KCND3: variants seen among roughly 807,000 people sequenced by gnomAD.
KCND3 encodes potassium voltage-gated channel subfamily D member 3, also known as A-type voltage-gated potassium channel KCND3.
Under a neutral mutation model 51.1 loss-of-function variants are expected in KCND3, and 9 were observed. The observed-to-expected ratio is 0.18, with a 90% confidence interval of 0.11 to 0.31. The LOEUF (loss-of-function observed/expected upper bound fraction) is 0.31. Among genes scored for constraint, KCND3 ranks in the 10% least tolerant of loss-of-function variants. KCND3 has a pLI of 1.00. For synonymous variants in KCND3, 349 were observed against 368.0 expected, an observed-to-expected ratio of 0.95 and a Z score of 0.59; for missense variants, 526 against 903.8, an observed-to-expected ratio of 0.58 and a Z score of 5.36.
Position 111,982,777 on chromosome 1 carries a change from C to T in KCND3, c.-51G>A, listed in dbSNP as rs548824212. Reference sequence around the variant, plus strand: ...GCCGCGCGGACGCTAGGCACACCAGCTTGGAGTTAGTTCAGCAAACCCTGG... The same window carrying T: ...GCCGCGCGGACGCTAGGCACACCAGTTTGGAGTTAGTTCAGCAAACCCTGG... On this transcript the variant is annotated 5_prime_UTR_variant, in exon 2 of 8. Transcript: ENST00000302127. This position sits in a 1 kb window ranked among gnomAD's most constrained non-coding sequence, Gnocchi z 8.5. 1.8e-5 allele frequency: 28 copies of T among 1,563,984 alleles called. No individual in the cohort carries two copies. The African/African-American group carries it at 3.6e-4, about 20-fold the overall frequency.
At chr1:111,956,885 G>A (rs1044039834) in intron 2 of KCND3, among the ~76,000 whole-genome samples, 1 of 152,200 alleles carries the variant, frequency 6.6e-6, no homozygotes, top group African/African-American at 2.4e-5. Context: ...GCCCAGACAA[G>A]TGAAGATCTT....
At chr1:111,890,492 T>C (rs748822512) in intron 2 of KCND3, among the ~76,000 whole-genome samples, 1 of 152,164 alleles carries the variant, frequency 6.6e-6, no homozygotes, top group African/African-American at 2.4e-5. Context: ...ATTGAGCCCA[T>C]TGAGTTTGAG....
chr1:111,860,208 A>T lies in KCND3; in HGVS notation c.1107-73102T>A, dbSNP rs369713331. On this transcript the variant is annotated intron_variant, in intron 2 of 7. Coordinates refer to ENST00000302127, the MANE Select transcript of KCND3 (RefSeq NM_001378969.1). The stretch of plus-strand genomic sequence containing the variant: ...CTCTAAAAGGTAAGTTGCACACGTT[A>T]TCTCATTTAAGCCACACAAAACCCC... Among the ~76,000 whole-genome samples, 9 of 152,348 alleles carry T rather than the reference A, an allele frequency of 5.9e-5. No homozygotes were observed. In the East Asian group the frequency reaches 1.5e-3, roughly 26 times the overall value.
intron 2 of KCND3, among the ~76,000 whole-genome samples, chr1:111,978,961 A>G (rs921457060): frequency 1.3e-5 from 2 of 152,230 alleles, no homozygotes; most frequent in Non-Finnish European, 2.9e-5. Flanking sequence ...AATGACCTAC[A>G]CTAGCTAGGA....
chr1:111,800,552 T>TA (rs71580591), intron 2 of KCND3, among the ~76,000 whole-genome samples: 84 of 126,288 alleles, frequency 6.7e-4, no homozygotes, highest in East Asian at 8.9e-4. Flanking sequence ...AAAATAAATT[T>TA]AAAAAAAAAA....
At chr1:111,935,598 G>C (rs1279967971) in intron 2 of KCND3, among the ~76,000 whole-genome samples, 1 of 152,176 alleles carries the variant, frequency 6.6e-6, no homozygotes, top group Non-Finnish European at 1.5e-5. Context: ...CAACAATAAT[G>C]ATAATGATGG....
At position 111,935,651 on chromosome 1, in the gene KCND3, C is replaced by T. The variant is rs569627824; in HGVS notation, c.1106+45970G>A. Among the ~76,000 whole-genome samples the T allele has an allele frequency of 2.6e-5, 4 of 152,244 alleles. No homozygotes were observed. In the South Asian group the frequency reaches 8.3e-4, roughly 32 times the overall value. On this transcript the variant is annotated intron_variant, in intron 2 of 7. Coordinates refer to ENST00000302127, the MANE Select transcript of KCND3 (RefSeq NM_001378969.1). ...ATCTTTTGCTGAACACTCAAGTGTGCCAGGAACTGTACTAAGTCCTTCCCC... is the reference window on the plus strand; with the variant it reads ...ATCTTTTGCTGAACACTCAAGTGTGTCAGGAACTGTACTAAGTCCTTCCCC...
At chr1:111,941,770 T>A (rs888591975) in intron 2 of KCND3, among the ~76,000 whole-genome samples, 26 of 152,200 alleles carry the variant, frequency 1.7e-4, no homozygotes, top group Non-Finnish European at 3.1e-4. Context: ...TGAAATATGG[T>A]CTTTGAATTT....
chr1:111,905,400 A>G (rs1670598405), intron 2 of KCND3, among the ~76,000 whole-genome samples: 1 of 152,258 alleles, frequency 6.6e-6, no homozygotes, highest in African/African-American at 2.4e-5. Flanking sequence ...TTCTAACTGA[A>G]TATGAGAGTA....
At chr1:111,854,094 C>T (rs1396097524) in intron 2 of KCND3, 2 of 152,158 alleles carry the variant, frequency 1.3e-5, no homozygotes, top group African/African-American at 2.4e-5. Flanking sequence ...GCCCCTCATG[C>T]TCCTGCTCTA....
At chr1:111,777,456 G>T (rs1664179839) in intron 6 of KCND3, among the ~76,000 whole-genome samples, 183 bp from the exon 7 acceptor site, 1 of 152,230 alleles carries the variant, frequency 6.6e-6, no homozygotes, top group Non-Finnish European at 1.5e-5. Context: ...AGGACAGAAA[G>T]AGAATCATAT....
chr1:111,783,098 C>G (rs1405854381), intron 3 of KCND3, among the ~76,000 whole-genome samples: 1 of 148,192 alleles, frequency 6.7e-6, no homozygotes, highest in African/African-American at 2.5e-5. Flanking sequence ...GTAATGGGCT[C>G]AATCCTTGAG....
intron 2 of KCND3, among the ~76,000 whole-genome samples, chr1:111,917,843 G>A (rs1452396032): frequency 6.6e-6 from 1 of 152,156 alleles, no homozygotes; most frequent in Non-Finnish European, 1.5e-5. Context: ...CACAGGACAG[G>A]TCTCAAAACA....
At chr1:111,930,597 G>T (rs1244991076) in intron 2 of KCND3, among the ~76,000 whole-genome samples, 1 of 102,216 alleles carries the variant, frequency 9.8e-6, no homozygotes, top group African/African-American at 3.0e-5. Flanking sequence ...TTCTTGGCTA[G>T]GTGCCACCCC....
chr1:111,875,029 A>C (rs909700526), intron 2 of KCND3, among the ~76,000 whole-genome samples: 1 of 152,216 alleles, frequency 6.6e-6, no homozygotes, highest in East Asian at 1.9e-4. Flanking sequence ...TCTCCAGCTA[A>C]TGAATCAAAT....
intron 1 of KCND3, among the ~76,000 whole-genome samples, chr1:111,985,402 T>G (rs574292481): frequency 2.6e-5 from 4 of 152,308 alleles, no homozygotes; most frequent in Non-Finnish European, 5.9e-5. Flanking sequence ...AGTCTCAATG[T>G]GGAGTTCAAG....
At chr1:111,840,628 C>T (rs1038322156) in intron 2 of KCND3, among the ~76,000 whole-genome samples, 8 of 152,018 alleles carry the variant, frequency 5.3e-5, no homozygotes, top group African/African-American at 7.3e-5. Flanking sequence ...TAGGTGGGCA[C>T]GGTTTGTGAC....
intron 2 of KCND3, among the ~76,000 whole-genome samples, chr1:111,852,797 T>G (rs1667880854): frequency 6.6e-6 from 1 of 152,234 alleles, no homozygotes; most frequent in Admixed American, 6.5e-5. Flanking sequence ...CACTTAGGTT[T>G]AAGCAACATT....
intron 2 of KCND3, among the ~76,000 whole-genome samples, chr1:111,949,752 G>A (rs770149944): frequency 6.6e-6 from 1 of 151,688 alleles, no homozygotes; most frequent in Non-Finnish European, 1.5e-5. Flanking sequence ...AATATTTCAG[G>A]TTTAACATGT....
Sources: allele counts gnomAD v4.1 joint callset (sites outside exome capture counted in the v4.1 genomes callset), GRCh38; gene constraint gnomAD v4.1.1; non-coding constraint Gnocchi (gnomAD v3.1); transcripts MANE v1.5; gene names NCBI Gene and HGNC (gene_info 2026-07-23, HGNC 2026-07-21).